Variants in DLGAP1 observed in about 807,000 individuals in gnomAD.
DLGAP1 encodes the protein DLG associated protein 1.
DLGAP1 carries 11 observed loss-of-function variants against 90.8 expected under a neutral mutation model. That is an observed-to-expected ratio of 0.12 (90% CI 0.08 to 0.20). The LOEUF (loss-of-function observed/expected upper bound fraction) is 0.20. Ranked by LOEUF, DLGAP1 falls within the 10% of genes least tolerant of loss-of-function variation. DLGAP1 has a pLI of 1.00. For synonymous variants in DLGAP1, 558 were observed against 540.7 expected, an observed-to-expected ratio of 1.03 and a Z score of -0.44; for missense variants, 1,050 against 1,333.8, an observed-to-expected ratio of 0.79 and a Z score of 3.31.
At chr18:3,667,730 G>T (rs1259811939) in intron 7 of DLGAP1, among the ~76,000 whole-genome samples, 1 of 152,116 alleles carries the variant, frequency 6.6e-6, no homozygotes, top group East Asian at 1.9e-4. Context: ...GGCCTGAGAG[G>T]GTCCATTCTT....
chr18:3,525,461 G>A (rs576208035), intron 10 of DLGAP1, among the ~76,000 whole-genome samples: 7 of 152,222 alleles, frequency 4.6e-5, no homozygotes, highest in East Asian at 1.9e-4. Flanking sequence ...GTGCAGTGGC[G>A]TGATCTCGGC....
chr18:4,182,908 A>G (rs2077231999), intron 1 of DLGAP1, among the ~76,000 whole-genome samples: 1 of 152,148 alleles, frequency 6.6e-6, no homozygotes, highest in East Asian at 1.9e-4. Context: ...ATAAGGGTAG[A>G]GAGGAAGAAA....
chr18:3,542,104 T>C (rs1292292618), intron 9 of DLGAP1, among the ~76,000 whole-genome samples: 7 of 152,202 alleles, frequency 4.6e-5, no homozygotes, highest in Admixed American at 4.6e-4. Flanking sequence ...ATTAAGTATG[T>C]CCTGGAGGTC....
chr18:4,235,312 A>G (rs2078385001), intron 1 of DLGAP1, among the ~76,000 whole-genome samples: 2 of 152,144 alleles, frequency 1.3e-5, no homozygotes, highest in South Asian at 4.1e-4. Flanking sequence ...CATATATTCA[A>G]TGGAGAAAAC....
At chr18:4,315,973 A>T (rs1490453178) in intron 1 of DLGAP1, among the ~76,000 whole-genome samples, 1 of 152,220 alleles carries the variant, frequency 6.6e-6, no homozygotes, top group African/African-American at 2.4e-5. Flanking sequence ...ATTTATCAAA[A>T]ACTGTACCAC....
chr18:4,286,712 G>C (rs1280217004), intron 1 of DLGAP1, among the ~76,000 whole-genome samples: 1 of 152,172 alleles, frequency 6.6e-6, no homozygotes, highest in South Asian at 2.1e-4. Context: ...CAAGGAACAA[G>C]AGAGGCAGAA....
intron 3 of DLGAP1, among the ~76,000 whole-genome samples, chr18:3,935,088 C>T (rs1465995110): frequency 6.6e-6 from 1 of 152,208 alleles, no homozygotes; most frequent in Admixed American, 6.5e-5. Context: ...ACTGGCCTGG[C>T]ATAGGCAAAT....
At chr18:4,432,788 C>A (rs1314695824) in intron 1 of DLGAP1, among the ~76,000 whole-genome samples, 1 of 152,110 alleles carries the variant, frequency 6.6e-6, no homozygotes, top group African/African-American at 2.4e-5. Flanking sequence ...TGCCCCTCAC[C>A]AGCTCTAAGG....
At chr18:3,728,300 T>TTATA (rs200480157) in intron 7 of DLGAP1, among the ~76,000 whole-genome samples, 4,780 of 123,448 alleles carry the variant, frequency 0.039, 93 homozygotes, top group Admixed American at 0.063. Flanking sequence ...AACGCAAATG[T>TTATA]TATATATATA....
Position 4,295,034 on chromosome 18 carries a change from AGTT to A in DLGAP1, c.-266-143750_-266-143748del, listed in dbSNP as rs2079943100. 2.0e-5 allele frequency: 3 copies of A among 152,064 alleles called. No homozygotes were observed. The South Asian group carries it at 6.2e-4, about 32-fold the overall frequency. 9.4% of individuals were successfully genotyped at this position (152,064 alleles called of 1,614,324 possible). On this transcript the variant is annotated intron_variant, in intron 1 of 12. Coordinates refer to ENST00000315677, the MANE Select transcript of DLGAP1 (RefSeq NM_004746.4). ...TCTGCTCCTGGAGCCTGGGGTTCGG[AGTT>A]TATACGGGTACAGGACAGGGTGTGT...
At chr18:3,867,854 GAC>G (rs2070498537) in intron 4 of DLGAP1, among the ~76,000 whole-genome samples, 1 of 152,166 alleles carries the variant, frequency 6.6e-6, no homozygotes, top group Non-Finnish European at 1.5e-5. Context: ...GTTCAGATGA[GAC>G]ACACTTGATG....
intron 1 of DLGAP1, among the ~76,000 whole-genome samples, chr18:4,267,817 C>T (rs79705777): frequency 0.025 from 3,757 of 152,216 alleles, 97 homozygotes; most frequent in African/African-American, 0.06. Context: ...TTCCTCACTG[C>T]GTAGGTCTCT....
In DLGAP1 at chr18:3,845,585, C is replaced by T. The variant is rs924456195; in HGVS notation, c.958-31312G>A. ...TTACAGAGTCTGGCATGCTCACTGT[C>T]CCAGCAAAATCATATTGCTATCTTT... On this transcript the variant is annotated intron_variant, in intron 4 of 12. Transcript: ENST00000315677. 9.1e-6 allele frequency: 9 copies of T among 985,312 alleles called. No individual in the cohort carries two copies. The African/African-American group carries it at 1.0e-4, about 11-fold the overall frequency. The allele number at this position is 985,312 out of a possible 1,614,324, so 61.0% of individuals were successfully genotyped here.
intron 1 of DLGAP1, among the ~76,000 whole-genome samples, chr18:4,382,795 G>A (rs754067321): frequency 1.3e-5 from 2 of 151,992 alleles, no homozygotes; most frequent in Non-Finnish European, 2.9e-5. Flanking sequence ...TCTCACTTCA[G>A]TATACTACTT....
At chr18:3,762,830 T>A (rs978762418) in intron 5 of DLGAP1, among the ~76,000 whole-genome samples, 4 of 152,356 alleles carry the variant, frequency 2.6e-5, no homozygotes, top group African/African-American at 9.6e-5. Context: ...ATAATCTTGA[T>A]GACTCTTTTC....
chr18:3,588,748 C>G (rs1162466230), intron 7 of DLGAP1, among the ~76,000 whole-genome samples: 6 of 146,244 alleles, frequency 4.1e-5, no homozygotes, highest in Non-Finnish European at 3.0e-5. Context: ...CCACTGCACT[C>G]CAGCCTGAGC....
chr18:4,273,202 G>A (rs2079324474), intron 1 of DLGAP1, among the ~76,000 whole-genome samples: 1 of 152,118 alleles, frequency 6.6e-6, no homozygotes, highest in Non-Finnish European at 1.5e-5. Context: ...TAGCAAATTT[G>A]AGTGTGGAGA....
At chr18:3,701,556 T>A (rs915370140) in intron 7 of DLGAP1, among the ~76,000 whole-genome samples, 34 of 152,198 alleles carry the variant, frequency 2.2e-4, no homozygotes, top group Non-Finnish European at 1.3e-4. Flanking sequence ...AGCTGAGGAA[T>A]CTGAGAGATT....
chr18:4,128,327 G>A (rs2076261725), intron 2 of DLGAP1, among the ~76,000 whole-genome samples: 1 of 152,154 alleles, frequency 6.6e-6, no homozygotes, highest in Non-Finnish European at 1.5e-5. Flanking sequence ...CCGGGGGGAT[G>A]TGAGTAGGCT....
Sources: gnomAD v4.1 joint callset for allele counts (sites outside exome capture counted in the v4.1 genomes callset) on GRCh38, gnomAD v4.1.1 for gene constraint, MANE v1.5 for transcripts, NCBI Gene and HGNC (gene_info 2026-07-23, HGNC 2026-07-21) for gene names.